The following FGF13 variants were observed in gnomAD, a reference collection of about 807,000 sequenced individuals.
The protein encoded by FGF13 is fibroblast growth factor homologous factor 2.
Under a neutral mutation model 19.5 loss-of-function variants are expected in FGF13, and 2 were observed. The ratio of observed to expected loss-of-function variants is 0.10; its 90% CI spans 0.04 to 0.32. FGF13 has a LOEUF of 0.32. FGF13 is among the 10% of genes least tolerant of loss of function. FGF13 has a pLI of 1.00. For synonymous variants in FGF13, 72 were observed against 76.9 expected (o/e 0.94, Z 0.33); for missense variants, 113 against 192.7 (o/e 0.59, Z 2.45).
At chrX:138,919,047 G>A (rs779374068) in intron 1 of FGF13, among the ~76,000 whole-genome samples, 9 of 110,933 alleles carry the variant, frequency 8.1e-5, no homozygotes, top group South Asian at 3.8e-4. Flanking sequence ...GCTTACCTAT[G>A]GAAAAAAATG....
intron 1 of FGF13, among the ~76,000 whole-genome samples, chrX:138,959,869 G>A (rs1488097715): frequency 9.0e-6 from 1 of 110,917 alleles, no homozygotes; most frequent in Non-Finnish European, 1.9e-5. Context: ...TTTTCCATTT[G>A]CTTGGTAGAT....
At chrX:138,779,965 C>CT (rs2090624824) in intron 3 of FGF13, among the ~76,000 whole-genome samples, 1 of 103,802 alleles carries the variant, frequency 9.6e-6, no homozygotes. Flanking sequence ...CAGCGGATCT[C>CT]TCGGCAGAAA....
chrX:138,911,379 A>G (rs2091586818), intron 1 of FGF13, among the ~76,000 whole-genome samples: 1 of 109,058 alleles, frequency 9.2e-6, no homozygotes, highest in East Asian at 2.9e-4. Flanking sequence ...ACTAAATACC[A>G]CATGTTCTCA....
At chrX:139,202,169 A>T (rs1219548364) in intron 1 of FGF13, among the ~76,000 whole-genome samples, 1 of 112,081 alleles carries the variant, frequency 8.9e-6, no homozygotes, top group Admixed American at 9.4e-5. Context: ...TTTTCTGTGA[A>T]TGAATTTGGT....
Position 138,984,645 on chromosome X carries a change from A to G in FGF13, c.-112-119995T>C, listed in dbSNP as rs867228659. On this transcript the variant is annotated intron_variant, in intron 1 of 2. Transcript: ENST00000421460. Reference sequence around the variant, plus strand: ...GGAAGAGGAGGAGGAGGAGGAGGAGAAGAAGAAGAAGGAGAAGGAGGAGAA... The same window carrying G: ...GGAAGAGGAGGAGGAGGAGGAGGAGGAGAAGAAGAAGGAGAAGGAGGAGAA... Among the ~76,000 whole-genome samples, 331 of 69,934 alleles carry G rather than the reference A, an allele frequency of 4.7e-3. 15 individuals carry two copies. Among genetic ancestry groups the G allele is most frequent in the African/African-American group, 0.014 (242 of 17,754 alleles). 60.7% of individuals were successfully genotyped at this position (69,934 alleles called of 115,157 possible).
At chrX:139,037,532 G>A (rs900193036) in intron 1 of FGF13, among the ~76,000 whole-genome samples, 6 of 111,429 alleles carry the variant, frequency 5.4e-5, no homozygotes, top group Non-Finnish European at 9.4e-5. Context: ...CAATCAAGGC[G>A]TTAGCAGTCT....
At chrX:138,771,950 T>C (rs1394822730) in intron 3 of FGF13, among the ~76,000 whole-genome samples, 1 of 102,541 alleles carries the variant, frequency 9.8e-6, no homozygotes, top group Non-Finnish European at 2.0e-5. Context: ...TTTAAAATAT[T>C]ACATTGAGGA....
intron 1 of FGF13, among the ~76,000 whole-genome samples, chrX:139,112,529 G>A (rs1170145009): frequency 9.0e-6 from 1 of 111,714 alleles, no homozygotes; most frequent in East Asian, 2.8e-4. Context: ...ACAAAAGCTT[G>A]CACCCATTAG....
At chrX:138,981,644 T>G in intron 1 of FGF13, among the ~76,000 whole-genome samples, 1 of 110,424 alleles carries the variant, frequency 9.1e-6, no homozygotes, top group East Asian at 2.9e-4. Context: ...CCCAGCCCAT[T>G]TGGACCACAG....
intron 1 of FGF13, among the ~76,000 whole-genome samples, chrX:139,111,497 G>A (rs1480133950): frequency 1.8e-5 from 2 of 111,820 alleles, no homozygotes; most frequent in African/African-American, 3.2e-5. Context: ...AGATAGAACC[G>A]AGGCTGCCTA....
At chrX:138,657,043 C>T (rs190599137) in intron 3 of FGF13, among the ~76,000 whole-genome samples, 59 of 111,303 alleles carry the variant, frequency 5.3e-4, no homozygotes, top group Non-Finnish European at 7.5e-4. Flanking sequence ...ATCATGATGG[C>T]GTTTCATAGA....
intron 1 of FGF13, among the ~76,000 whole-genome samples, chrX:139,099,386 A>G (rs1199000702): frequency 1.8e-5 from 2 of 108,239 alleles, no homozygotes; most frequent in African/African-American, 6.7e-5. Flanking sequence ...TCAAAAAAAA[A>G]AAAAAAAAAA....
At chrX:138,779,400 A>T (rs1355679396) in intron 3 of FGF13, among the ~76,000 whole-genome samples, 1 of 111,141 alleles carries the variant, frequency 9.0e-6, no homozygotes, top group Non-Finnish European at 1.9e-5. Flanking sequence ...AAAGGCAAAG[A>T]AGTTGAAAAC....
intron 3 of FGF13, among the ~76,000 whole-genome samples, chrX:138,841,104 T>G (rs906063400): frequency 9.0e-6 from 1 of 111,076 alleles, no homozygotes; most frequent in African/African-American, 3.3e-5. Context: ...AATGGTGAGA[T>G]GTTGGGTAAG....
upstream of FGF13, chrX:139,204,018 C>CGAAGG: frequency 8.4e-7 from 1 of 1,195,232 alleles, no homozygotes; most frequent in South Asian, 1.8e-5. Context: ...GCGAGGGAAA[C>CGAAGG]GAAGGAAAGG....
intron 1 of FGF13, among the ~76,000 whole-genome samples, chrX:138,906,635 GA>G (rs938259124): frequency 8.9e-6 from 1 of 112,185 alleles, no homozygotes; most frequent in African/African-American, 3.2e-5. Flanking sequence ...ACTTTTAATA[GA>G]ATGCCAAGGA....
intron 2 of FGF13, chrX:138,857,713 T>A: frequency 9.2e-7 from 1 of 1,087,073 alleles, no homozygotes. Flanking sequence ...GAACTCAAGT[T>A]AGAGCCTCAG....
At chrX:139,048,622 G>A (rs1277858309) in intron 1 of FGF13, among the ~76,000 whole-genome samples, 1 of 93,873 alleles carries the variant, frequency 1.1e-5, no homozygotes, top group Non-Finnish European at 2.1e-5. Flanking sequence ...AGATTGTATT[G>A]TCATAATTGT....
At chrX:138,762,405 C>T (rs1222098276) in intron 3 of FGF13, among the ~76,000 whole-genome samples, 1 of 112,290 alleles carries the variant, frequency 8.9e-6, no homozygotes, top group South Asian at 3.7e-4. Flanking sequence ...ATTTTAATTT[C>T]ATCCATTTTT....
Sources: gnomAD v4.1 joint callset for allele counts (sites outside exome capture counted in the v4.1 genomes callset) on GRCh38, gnomAD v4.1.1 for gene constraint, MANE v1.5 for transcripts, NCBI Gene and HGNC (gene_info 2026-07-23, HGNC 2026-07-21) for gene names.